Variants in IQSEC1 observed in about 807,000 individuals in gnomAD.
The protein encoded by IQSEC1 is IQ motif and SEC7 domain-containing protein 1.
A neutral mutation model predicts 91.0 loss-of-function variants in IQSEC1; 31 were observed. That is an observed-to-expected ratio of 0.34 (90% CI 0.26 to 0.46). The LOEUF is 0.46. Ranked by LOEUF, IQSEC1 falls within the 20% of genes least tolerant of loss-of-function variation. The probability of loss-of-function intolerance (pLI) is 1.00; values close to 1 mark genes in which losing one functional copy is unlikely to be tolerated. For synonymous variants in IQSEC1, 699 were observed against 662.6 expected (o/e 1.05, Z -0.84); for missense variants, 1,388 against 1,575.6 (o/e 0.88, Z 2.02).
chr3:13,029,435 C>T (rs976939820), intron 1 of IQSEC1, among the ~76,000 whole-genome samples: 5 of 152,222 alleles, frequency 3.3e-5, no homozygotes, highest in African/African-American at 7.2e-5. Context: ...GCTTCATAAC[C>T]GCTACATAAC....
intron 1 of IQSEC1, among the ~76,000 whole-genome samples, chr3:13,243,736 G>GGCATTTTTAATCTTAGAGCGAAAGC (rs879536739): frequency 3.4e-3 from 525 of 152,220 alleles, no homozygotes; most frequent in Non-Finnish European, 6.0e-3. Context: ...TGCCTCTCTG[G>GGCATTTTTAATCTTAGAGCGAAAGC]TCTCACATGC....
chr3:13,095,885 C>T (rs562392715), intron 2 of IQSEC1, among the ~76,000 whole-genome samples: 134 of 152,282 alleles, frequency 8.8e-4, no homozygotes, highest in African/African-American at 3.1e-3. Flanking sequence ...GGAGGGGCGG[C>T]GAGATTCACG....
intron 6 of IQSEC1, among the ~76,000 whole-genome samples, chr3:12,919,885 C>T (rs989070401): frequency 5.9e-5 from 9 of 152,304 alleles, no homozygotes; most frequent in South Asian, 4.1e-4. Context: ...CTGTAGACTC[C>T]GCACCAACAC....
chr3:13,177,520 G>A (rs1693757529), intron 1 of IQSEC1, among the ~76,000 whole-genome samples: 1 of 152,064 alleles, frequency 6.6e-6, no homozygotes, highest in Non-Finnish European at 1.5e-5. Flanking sequence ...ACCAGCCTGA[G>A]CCAGCCAGCA....
intron 1 of IQSEC1, among the ~76,000 whole-genome samples, chr3:13,245,766 C>A (rs867808726): frequency 0.022 from 2,449 of 113,844 alleles, 70 homozygotes; most frequent in African/African-American, 0.063. Context: ...GACCCTGTTT[C>A]AAAAAAAAAA....
At chr3:13,159,351 C>A (rs1414541983) in intron 2 of IQSEC1, among the ~76,000 whole-genome samples, 1 of 152,122 alleles carries the variant, frequency 6.6e-6, no homozygotes, top group Non-Finnish European at 1.5e-5. Flanking sequence ...ATCGCTTGAA[C>A]CTGGGAAGTG....
chr3:12,917,885 G>A (rs536871274), intron 6 of IQSEC1, among the ~76,000 whole-genome samples: 2 of 152,352 alleles, frequency 1.3e-5, no homozygotes, highest in East Asian at 1.9e-4. Flanking sequence ...ACTGGCTTCC[G>A]TGGTGAGCTA....
intron 1 of IQSEC1, among the ~76,000 whole-genome samples, chr3:12,954,565 G>A (rs1174659536): frequency 3.3e-5 from 5 of 152,210 alleles, no homozygotes; most frequent in Non-Finnish European, 5.9e-5. Flanking sequence ...CCAGATCTCC[G>A]CTGTCTATCA....
chr3:13,154,435 ATG>A lies in IQSEC1; in HGVS notation c.302+9667_302+9668del, dbSNP rs1707048426. Among the ~76,000 whole-genome samples, 2 of 83,198 alleles carry A rather than the reference ATG, an allele frequency of 2.4e-5. 1 individual carries two copies. Among genetic ancestry groups the A allele is most frequent in the South Asian group, 9.4e-4 (2 of 2,118 alleles). 54.6% of individuals were successfully genotyped at this position (83,198 alleles called of 152,430 possible). A position where few individuals can be genotyped will look rare whatever the true frequency, so the allele number is the denominator to read the frequency against. ...AACACACCAGGAAGCTGGAACTTAC[ATG>A]CATATATATATATATATATATATAT... On this transcript the variant is annotated intron_variant, in intron 2 of 15. Coordinates refer to the IQSEC1 transcript ENST00000648114.
At chr3:13,062,979 G>A (rs994724564) in intron 1 of IQSEC1, among the ~76,000 whole-genome samples, 4 of 152,248 alleles carry the variant, frequency 2.6e-5, no homozygotes, top group African/African-American at 9.6e-5. Flanking sequence ...TCGGGCCAGT[G>A]TGGCAAGGTC....
At chr3:12,903,493 C>A (rs968015177) in intron 12 of IQSEC1, among the ~76,000 whole-genome samples, 2 of 152,204 alleles carry the variant, frequency 1.3e-5, no homozygotes, top group African/African-American at 2.4e-5. Flanking sequence ...GGTACCACCC[C>A]CCAAAGGGGC....
intron 6 of IQSEC1, among the ~76,000 whole-genome samples, chr3:12,919,876 T>C (rs1273910502): frequency 1.3e-5 from 2 of 152,136 alleles, no homozygotes; most frequent in Non-Finnish European, 2.9e-5. Flanking sequence ...CCTCGCTGCC[T>C]GTAGACTCCG....
In IQSEC1 at chr3:12,923,272, C is replaced by A. The variant is rs371768432; in HGVS notation, c.1731-1030G>T. Among the ~76,000 whole-genome samples the A allele has an allele frequency of 4.0e-5, 6 of 151,632 alleles. No individual in the cohort carries two copies. The South Asian group carries it at 1.0e-3, about 26-fold the overall frequency. On this transcript the variant is annotated intron_variant, in intron 4 of 13. Coordinates refer to ENST00000613206, the MANE Select transcript of IQSEC1 (RefSeq NM_001134382.3). ...TGCGGATTTCCTAAGGACCAGGGACCGGCTTGGAGTGGGGAGTCGGGGCAG... is the reference window on the plus strand; with the variant it reads ...TGCGGATTTCCTAAGGACCAGGGACAGGCTTGGAGTGGGGAGTCGGGGCAG...
intron 1 of IQSEC1, among the ~76,000 whole-genome samples, chr3:13,070,337 TG>T (rs1705373762): frequency 6.6e-6 from 1 of 152,220 alleles, no homozygotes; most frequent in Non-Finnish European, 1.5e-5. Flanking sequence ...TTACAGCAGT[TG>T]GTGAGACCCC....
chr3:13,142,938 C>T (rs763012644), intron 2 of IQSEC1, among the ~76,000 whole-genome samples: 2 of 152,228 alleles, frequency 1.3e-5, no homozygotes, highest in South Asian at 2.1e-4. Context: ...GCCTGGGACA[C>T]TGTTCCCCTG....
intron 1 of IQSEC1, among the ~76,000 whole-genome samples, chr3:13,247,621 C>T (rs1355236238): frequency 6.6e-6 from 1 of 152,246 alleles, no homozygotes; most frequent in Non-Finnish European, 1.5e-5. Context: ...CTTCGCCCTA[C>T]AGTTAGGGGC....
chr3:13,149,866 G>A (rs1706962360), intron 2 of IQSEC1, among the ~76,000 whole-genome samples: 1 of 152,220 alleles, frequency 6.6e-6, no homozygotes, highest in African/African-American at 2.4e-5. Flanking sequence ...CATCACTGAG[G>A]GGTACAGTCA....
intron 2 of IQSEC1, among the ~76,000 whole-genome samples, chr3:13,127,033 T>C (rs1422803853): frequency 6.6e-6 from 1 of 152,226 alleles, no homozygotes; most frequent in Non-Finnish European, 1.5e-5. Flanking sequence ...TGCTTCAGAA[T>C]CATTGTTTGA....
At chr3:12,971,397 AG>A (rs1289241798) in intron 1 of IQSEC1, among the ~76,000 whole-genome samples, 1 of 152,346 alleles carries the variant, frequency 6.6e-6, no homozygotes, top group Admixed American at 6.5e-5. Flanking sequence ...GGCATGCCCA[AG>A]GATATTAATT....
Sources: allele counts gnomAD v4.1 joint callset (sites outside exome capture counted in the v4.1 genomes callset), GRCh38; gene constraint gnomAD v4.1.1; transcripts MANE v1.5; gene names NCBI Gene and HGNC (gene_info 2026-07-23, HGNC 2026-07-21).